Variants in CDH7 observed in about 807,000 individuals in gnomAD.
CDH7 encodes cadherin 7, also known as cadherin-7.
CDH7 carries 25 observed loss-of-function variants against 71.8 expected under a neutral mutation model. That is an observed-to-expected ratio of 0.35 (90% confidence interval 0.25 to 0.49). CDH7 has a LOEUF of 0.49. Ranked by LOEUF, CDH7 falls within the 20% of genes least tolerant of loss-of-function variation. The probability of loss-of-function intolerance (pLI) is 0.99; values close to 1 mark genes in which losing one functional copy is unlikely to be tolerated. For missense variants in CDH7, 862 were observed against 974.6 expected (o/e 0.88, Z 1.54); for synonymous variants, 381 against 363.8 (o/e 1.05, Z -0.54).
At chr18:65,841,251 A>C (rs1231215762) in intron 6 of CDH7, among the ~76,000 whole-genome samples, 2 of 152,138 alleles carry the variant, frequency 1.3e-5, no homozygotes, top group African/African-American at 4.8e-5. Context: ...TCTATACCTC[A>C]TGTTGCTCCT....
At chr18:65,755,569 C>T (rs540507436) in intron 1 of CDH7, among the ~76,000 whole-genome samples, 2 of 152,260 alleles carry the variant, frequency 1.3e-5, no homozygotes, top group East Asian at 3.9e-4. Flanking sequence ...GTGGCTTCAG[C>T]TCTGAAAACA....
intron 2 of CDH7, among the ~76,000 whole-genome samples, chr18:65,773,131 A>G (rs959469356): frequency 6.6e-6 from 1 of 152,138 alleles, no homozygotes; most frequent in Non-Finnish European, 1.5e-5. Context: ...TTAAGGAGGA[A>G]GAAGTTTAAG....
intron 2 of CDH7, among the ~76,000 whole-genome samples, chr18:65,782,174 C>CTTTCTTTCTTTTCTTTTCTTTTCT (rs1910332138): frequency 9.2e-6 from 1 of 108,222 alleles, no homozygotes; most frequent in African/African-American, 4.5e-5. Context: ...TCCTTTCTTT[C>CTTTCTTTCTTTTCTTTTCTTTTCT]TTTCTTTCTT....
chr18:65,881,889 C>T lies in CDH7; in HGVS notation c.*995C>T, dbSNP rs912839376. On this transcript the variant is annotated 3_prime_UTR_variant, in exon 12 of 12. Coordinates refer to ENST00000397968, the MANE Select transcript of CDH7 (RefSeq NM_004361.5). ...GGTCACATCTCAAAGAGGAGCACAG[C>T]TACAAGGACATATAAATTGTTCTTC... is the stretch of plus-strand genomic sequence containing the variant. 1.1e-4 allele frequency: 17 copies of T among 152,044 alleles called. No homozygotes were observed. The highest frequency in any genetic ancestry group is 4.1e-4 in the African/African-American group (17 of 41,404). 9.4% of individuals were successfully genotyped at this position (152,044 alleles called of 1,614,324 possible). A position where few individuals can be genotyped will look rare whatever the true frequency, so the allele number is the denominator to read the frequency against.
In CDH7 at chr18:65,784,562, G is replaced by A. The variant is rs1255326064; in HGVS notation, c.210+21510G>A. On this transcript the variant is annotated intron_variant, in intron 2 of 11. Transcript: ENST00000397968. ...CTCTTTGCCATATTGGTGTTGGACT[G>A]CAGTTAAAATATACCATTAGGAGAA... 3.3e-5 allele frequency among the ~76,000 whole-genome samples: 5 copies of A among 152,144 alleles called. No homozygotes were observed. In the East Asian group the frequency reaches 9.6e-4, roughly 29 times the overall value.
chr18:65,762,820 G>C lies in CDH7; in HGVS notation c.-23G>C, dbSNP rs147058533. 4 of 1,595,356 alleles carry C rather than the reference G, an allele frequency of 2.5e-6. No individual in the cohort carries two copies. The highest frequency in any genetic ancestry group is 2.1e-4 in the Middle Eastern group (1 of 4,672). ...CTTGTCAAGGTTTTTTTCTTACACAGGAAAAAGAAAGAAAAAAAAAAGATG... is the reference window on the plus strand; with the variant it reads ...CTTGTCAAGGTTTTTTTCTTACACACGAAAAAGAAAGAAAAAAAAAAGATG... On this transcript the variant is annotated 5_prime_UTR_variant, in exon 2 of 12. Coordinates refer to ENST00000397968, the MANE Select transcript of CDH7 (RefSeq NM_004361.5).
intron 2 of CDH7, among the ~76,000 whole-genome samples, chr18:65,777,411 A>T (rs1237678451): frequency 1.3e-5 from 2 of 152,082 alleles, no homozygotes; most frequent in African/African-American, 2.4e-5. Context: ...GAGTCTCCAA[A>T]AGGAGATTTA....
chr18:65,843,014 C>T (rs1448297016), intron 6 of CDH7, among the ~76,000 whole-genome samples: 1 of 152,036 alleles, frequency 6.6e-6, no homozygotes, highest in African/African-American at 2.4e-5. Context: ...TCACAAACAA[C>T]GTCTACATGT....
chr18:65,795,763 C>T (rs1325451351), intron 2 of CDH7, among the ~76,000 whole-genome samples: 1 of 152,108 alleles, frequency 6.6e-6, no homozygotes. Context: ...GCTTTGTGTC[C>T]TCACCCAGAT....
intron 6 of CDH7, among the ~76,000 whole-genome samples, chr18:65,835,328 G>T (rs997353748): frequency 5.3e-5 from 8 of 152,150 alleles, no homozygotes; most frequent in Non-Finnish European, 1.2e-4. Context: ...TGGACACAGG[G>T]AAAGTGGGAA....
chr18:65,783,971 T>C (rs1910413169), intron 2 of CDH7, among the ~76,000 whole-genome samples: 1 of 151,918 alleles, frequency 6.6e-6, no homozygotes, highest in Non-Finnish European at 1.5e-5. Context: ...ATTTATTTAT[T>C]TGAGACAGAG....
At chr18:65,772,347 T>C (rs1240820281) in intron 2 of CDH7, among the ~76,000 whole-genome samples, 1 of 152,192 alleles carries the variant, frequency 6.6e-6, no homozygotes, top group Non-Finnish European at 1.5e-5. Context: ...GGCATTTTCT[T>C]TCCCATAAAA....
intron 6 of CDH7, among the ~76,000 whole-genome samples, chr18:65,839,399 C>A (rs939974839): frequency 5.3e-4 from 80 of 152,034 alleles, no homozygotes; most frequent in Admixed American, 5.2e-3. Context: ...TCTCTGAGGT[C>A]TCATTTATAA....
intron 8 of CDH7, 86 bp downstream of exon 8, chr18:65,858,038 TA>T: frequency 7.7e-7 from 1 of 1,302,918 alleles, no homozygotes; most frequent in Non-Finnish European, 1.1e-6. Flanking sequence ...TCAAGTTAAT[TA>T]AAGTAGTTCC....
At chr18:65,810,769 T>C (rs2143908866) in intron 3 of CDH7, among the ~76,000 whole-genome samples, 1 of 152,158 alleles carries the variant, frequency 6.6e-6, no homozygotes, top group East Asian at 1.9e-4. Context: ...CCACCGCTAA[T>C]TTTAAAAAAT....
intron 2 of CDH7, among the ~76,000 whole-genome samples, chr18:65,772,136 A>G (rs965236731): frequency 6.6e-6 from 1 of 152,186 alleles, no homozygotes. Flanking sequence ...TTTGGACAAC[A>G]CATACATAAT....
intron 6 of CDH7, among the ~76,000 whole-genome samples, chr18:65,843,538 C>A (rs1454636358): frequency 1.3e-5 from 2 of 152,110 alleles, no homozygotes; most frequent in Admixed American, 1.3e-4. Context: ...ACCAGTTTTT[C>A]TTTCAAATCG....
intron 7 of CDH7, among the ~76,000 whole-genome samples, chr18:65,845,881 C>A (rs1015503362): frequency 1.3e-5 from 2 of 151,958 alleles, no homozygotes; most frequent in Non-Finnish European, 2.9e-5. Flanking sequence ...TACAATTGCA[C>A]TTGTAAATAA....
intron 7 of CDH7, among the ~76,000 whole-genome samples, chr18:65,844,568 C>T (rs1179305258): frequency 6.6e-6 from 1 of 151,874 alleles, no homozygotes; most frequent in Non-Finnish European, 1.5e-5. Context: ...CATATAAAGA[C>T]TATTAAAAAT....
Sources: gnomAD v4.1 joint callset for allele counts (sites outside exome capture counted in the v4.1 genomes callset) on GRCh38, gnomAD v4.1.1 for gene constraint, MANE v1.5 for transcripts, NCBI Gene and HGNC (gene_info 2026-07-23, HGNC 2026-07-21) for gene names.